The following GRTP1 variants were observed in gnomAD, a reference collection of about 807,000 sequenced individuals.
GRTP1 encodes growth hormone regulated TBC protein 1.
GRTP1 carries 56 observed loss-of-function variants against 38.1 expected under a neutral mutation model. The observed-to-expected ratio is 1.47, with a 90% CI of 1.19 to 1.84. The LOEUF (loss-of-function observed/expected upper bound fraction) is 1.84. GRTP1 is among the 40% of genes most tolerant of loss of function. GRTP1 has a pLI of 0.00. For missense variants in GRTP1, 506 were observed against 453.9 expected (o/e 1.11, Z -1.04); for synonymous variants, 217 against 189.5 (o/e 1.14, Z -1.19).
chr13:113,327,248 C>T (rs906144118), intron 5 of GRTP1, among the ~76,000 whole-genome samples: 1 of 152,170 alleles, frequency 6.6e-6, no homozygotes, highest in African/African-American at 2.4e-5. Context: ...ATGATCTTAG[C>T]TCACTGGAAC....
chr13:113,331,648 C>CTT (rs59328510), intron 5 of GRTP1, among the ~76,000 whole-genome samples: 1,341 of 92,966 alleles, frequency 0.014, 132 homozygotes, highest in African/African-American at 0.057. Flanking sequence ...GTTTGGTTTA[C>CTT]TTTTTTTTTT....
intron 4 of GRTP1, among the ~76,000 whole-genome samples, chr13:113,346,571 TCTGTGGCC>T (rs2043141387): frequency 5.4e-5 from 1 of 18,424 alleles, no homozygotes; most frequent in African/African-American, 6.1e-5. Flanking sequence ...CAGGAGGACC[TCTGTGGCC>T]GAGAACAGAC....
Position 113,324,654 on chromosome 13 carries a change from G to GA in GRTP1, c.922-78_922-77insT, listed in dbSNP as rs1566408514. The GA allele has an allele frequency of 5.0e-5, 76 of 1,514,312 alleles. 2 individuals are homozygous for GA. The highest frequency in any genetic ancestry group is 4.7e-4 in the African/African-American group (34 of 72,590). The allele number at this position is 1,514,312 out of a possible 1,614,324, so 93.8% of individuals were successfully genotyped here. ...TTAGCTCTCCCAGACTGGCAGGCAG[G>GA]CAGACAGGCCTCGTGTGAGGTGAGG... On this transcript the variant is annotated intron_variant, in intron 7 of 7. Transcript: ENST00000375431.
rs201611988 is a variant in GRTP1 at position 113,325,735 on chromosome 13, C to T, written c.847G>A (p.Val283Ile). 27 of 1,614,200 alleles carry T rather than the reference C, an allele frequency of 1.7e-5. No homozygotes were observed. The highest frequency in any genetic ancestry group is 8.3e-5 in the Admixed American group (5 of 60,030). ...TTAAACTTATCGCAAATGTCTGGAA[C>T]GCTGGTGGCTTCCAAAATCAACTCC... Reference protein sequence around the residue: ...HQELILEATSVPDICDKFKQI... With the variant: ...HQELILEATSIPDICDKFKQI... Residue 283 changes from valine (V) to isoleucine (I), a missense_variant, in exon 7 of 8, where the codon GTT becomes ATT. By Grantham distance (29) the Val-to-Ile change is conservative. Transcript: ENST00000375431.
chr13:113,346,079 CAGACCT>C (rs1426551231), intron 4 of GRTP1, among the ~76,000 whole-genome samples: 16 of 5,268 alleles, frequency 3.0e-3, no homozygotes, highest in Admixed American at 0.016. Flanking sequence ...TGCGGCTGAG[CAGACCT>C]GGGAAGACAT....
chr13:113,363,801 G>C lies in GRTP1; in HGVS notation c.142C>G (p.Arg48Gly), dbSNP rs747465303. The C allele has an allele frequency of 1.2e-6, 2 of 1,611,174 alleles. No homozygotes were observed. The highest frequency in any genetic ancestry group is 3.3e-5 in the Admixed American group (2 of 59,904). The change falls in exon 2 of 8, where the codon CGG (arginine) becomes GGG (glycine). Residue 48 changes from arginine to glycine, a missense_variant. Transcript: ENST00000375431. ...GGGACGCCCCCGCCCTGCAGCAGCC[G>C]GGACCATTTGATCGCCCTGCGGGTG... ...TLTRRAIKWSRLLQGGGVPRS... is the reference protein window; with the variant it reads ...TLTRRAIKWSGLLQGGGVPRS...
At chr13:113,360,195 T>C (rs1008489376) in intron 2 of GRTP1, 1 of 152,108 alleles carries the variant, frequency 6.6e-6, no homozygotes, top group African/African-American at 2.4e-5. Flanking sequence ...GAGAATGAAA[T>C]AGGAATCCAA....
At chr13:113,345,997 C>T (rs1566428550) in intron 4 of GRTP1, among the ~76,000 whole-genome samples, 1 of 147,326 alleles carries the variant, frequency 6.8e-6, no homozygotes, top group Admixed American at 6.7e-5. Context: ...CGAGAGTGGA[C>T]CCGAGAGGAC....
chr13:113,329,083 G>T (rs555469617), intron 5 of GRTP1, among the ~76,000 whole-genome samples: 1 of 152,274 alleles, frequency 6.6e-6, no homozygotes, highest in Non-Finnish European at 1.5e-5. Context: ...TCTCCAGGGT[G>T]TGCGTGACAC....
At chr13:113,331,291 T>C (rs1595477233) in intron 5 of GRTP1, among the ~76,000 whole-genome samples, 1 of 152,296 alleles carries the variant, frequency 6.6e-6, no homozygotes, top group East Asian at 1.9e-4. Flanking sequence ...GGATTGACCA[T>C]GGCAGAGACC....
At chr13:113,338,474 G>A (rs1000909088) in intron 5 of GRTP1, among the ~76,000 whole-genome samples, 1 of 152,150 alleles carries the variant, frequency 6.6e-6, no homozygotes, top group Non-Finnish European at 1.5e-5. Context: ...CAACAGTGGT[G>A]GGGGAAACCG....
In GRTP1 at chr13:113,363,753, G is replaced by T; in HGVS notation, c.181+9C>A. 6.3e-7 allele frequency: 1 copy of T among 1,575,202 alleles called. No homozygotes were observed. The highest frequency in any genetic ancestry group is 2.4e-5 in the East Asian group (1 of 41,862). On this transcript the variant is annotated intron_variant, in intron 2 of 7. Transcript: ENST00000375431. Reference sequence around the variant, plus strand: ...GCCCTCGGGACCCACCTGCGCCCCCGGGACCCACCTGTCCGGCTCCTGGGG... The same window carrying T: ...GCCCTCGGGACCCACCTGCGCCCCCTGGACCCACCTGTCCGGCTCCTGGGG...
rs149959396 is a variant in GRTP1, at chr13:113,331,636, C to G, written c.563-5545G>C. On this transcript the variant is annotated intron_variant, in intron 5 of 7. Coordinates refer to ENST00000375431, the MANE Select transcript of GRTP1 (RefSeq NM_024719.4). ...CAAGGAAGCTGCAAGGCTGGTTTTG[C>G]TGTTTGGTTTACTTTTTTTTTTTTT... Among the ~76,000 whole-genome samples the G allele has an allele frequency of 3.4e-3, 488 of 142,226 alleles. 2 individuals carry two copies. Among genetic ancestry groups the G allele is most frequent in the African/African-American group, 0.012 (467 of 38,246 alleles). 93.3% of individuals were successfully genotyped at this position (142,226 alleles called of 152,430 possible).
Position 113,325,923 on chromosome 13 carries a change from A to G in GRTP1, c.731T>C (p.Val244Ala), listed in dbSNP as rs778175876. Residue 244 changes from valine (V) to alanine (A), a missense_variant, in exon 6 of 8, where the codon GTG becomes GCG. Val to Ala is a moderately conservative substitution (Grantham distance 64). Transcript: ENST00000375431. ...FICLFVDILP[V>A]ETVLRIWDCL... ...GGGCCCGAGTGAGGCGCTCACCTCC[A>G]CGGGCAAGATGTCCACAAACAGGCA... The G allele has an allele frequency of 6.2e-7, 1 of 1,613,810 alleles. No individual in the cohort carries two copies. Among genetic ancestry groups the G allele is most frequent in the Non-Finnish European group, 8.5e-7 (1 of 1,179,920 alleles).
At position 113,349,664 on chromosome 13, in the gene GRTP1, G is replaced by A. The variant is rs1045875358; in HGVS notation, c.465+1185C>T. On this transcript the variant is annotated intron_variant, in intron 4 of 7. Coordinates refer to ENST00000375431, the MANE Select transcript of GRTP1 (RefSeq NM_024719.4). The surrounding 1 kb of genome is among the most constrained non-coding windows in gnomAD (Gnocchi z 5.0). ...CAGCTGGTGAGGACAGCGTGGTCCC[G>A]TGGCTCTGCTGCTGGCCTTTCACAG... 1.2e-4 allele frequency among the ~76,000 whole-genome samples: 18 copies of A among 152,204 alleles called. No homozygotes were observed. The highest frequency in any genetic ancestry group is 3.9e-4 in the African/African-American group (16 of 41,464).
chr13:113,346,283 T>TCTGTGGCCGA (rs2043130303), intron 4 of GRTP1, among the ~76,000 whole-genome samples: 1 of 14,038 alleles, frequency 7.1e-5, no homozygotes. Flanking sequence ...CCTCTGTGGC[T>TCTGTGGCCGA]GAGCGGATCT....
In GRTP1 at chr13:113,364,029, C is replaced by G; in HGVS notation, c.23G>C (p.Arg8Pro). MQPAERS[R>P]VPRIDPYGFE... ...ACCCCGCGCCACACACCTGGGGACC[C>G]GCGAGCGCTCGGCGGGCTGCATGCG... Residue 8 changes from arginine to proline, a missense_variant, in exon 1 of 8, where the codon CGG (arginine) becomes CCG (proline). Coordinates refer to ENST00000375431, the MANE Select transcript of GRTP1 (RefSeq NM_024719.4). The G allele has an allele frequency of 1.5e-6, 2 of 1,302,660 alleles. No individual in the cohort carries two copies. Among genetic ancestry groups the G allele is most frequent in the Non-Finnish European group, 9.7e-7 (1 of 1,029,498 alleles). 80.7% of individuals were successfully genotyped at this position (1,302,660 alleles called of 1,614,324 possible). A position where few individuals can be genotyped will look rare whatever the true frequency, so the allele number is the denominator to read the frequency against.
chr13:113,362,547 G>A (rs2043517585), intron 2 of GRTP1, among the ~76,000 whole-genome samples: 1 of 152,080 alleles, frequency 6.6e-6, no homozygotes, highest in Admixed American at 6.6e-5. Context: ...GAGAGGGGAG[G>A]ATGGCTGGAG....
At chr13:113,331,501 G>A (rs927588915) in intron 5 of GRTP1, among the ~76,000 whole-genome samples, 6 of 152,162 alleles carry the variant, frequency 3.9e-5, no homozygotes, top group Non-Finnish European at 8.8e-5. Context: ...CAGCAGCTGC[G>A]CACCCCCACT....
Sources: allele counts gnomAD v4.1 joint callset (sites outside exome capture counted in the v4.1 genomes callset), GRCh38; gene constraint gnomAD v4.1.1; non-coding constraint Gnocchi (gnomAD v3.1); transcripts MANE v1.5; gene names NCBI Gene and HGNC (gene_info 2026-07-23, HGNC 2026-07-21).